ZDHHC14: variants seen among roughly 807,000 people sequenced by gnomAD.
ZDHHC14 encodes the protein palmitoyltransferase ZDHHC14.
Under a neutral mutation model 47.7 loss-of-function variants are expected in ZDHHC14, and 16 were observed. The observed-to-expected ratio is 0.34, with a 90% CI of 0.23 to 0.51. The LOEUF is 0.51. Among genes scored for constraint, ZDHHC14 ranks in the 20% least tolerant of loss-of-function variants. The pLI is 0.97. For missense variants in ZDHHC14, 515 were observed against 662.5 expected, an observed-to-expected ratio of 0.78 and a Z score of 2.44; for synonymous variants, 293 against 278.9, an observed-to-expected ratio of 1.05 and a Z score of -0.50.
intron 1 of ZDHHC14, among the ~76,000 whole-genome samples, chr6:157,439,209 T>G (rs934967451): frequency 3.3e-5 from 5 of 152,186 alleles, no homozygotes; most frequent in African/African-American, 1.2e-4. Flanking sequence ...TTTAAGAAAA[T>G]GGCAACTACA....
intron 1 of ZDHHC14, among the ~76,000 whole-genome samples, chr6:157,410,952 C>T (rs1040386333): frequency 6.6e-6 from 1 of 152,166 alleles, no homozygotes; most frequent in African/African-American, 2.4e-5. Flanking sequence ...GCTTCATCCT[C>T]CTAAAGTGCT....
At chr6:157,456,086 T>C (rs1778906851) in intron 1 of ZDHHC14, among the ~76,000 whole-genome samples, 1 of 152,136 alleles carries the variant, frequency 6.6e-6, no homozygotes, top group Non-Finnish European at 1.5e-5. Flanking sequence ...GATTGCGCCC[T>C]CCGTTATGAA....
chr6:157,445,987 A>C (rs112516843), intron 1 of ZDHHC14, among the ~76,000 whole-genome samples: 1 of 152,180 alleles, frequency 6.6e-6, no homozygotes, highest in African/African-American at 2.4e-5. Flanking sequence ...GTCAGTTGGT[A>C]GTGTGGGGTG....
intron 2 of ZDHHC14, chr6:157,592,729 C>A: frequency 8.1e-7 from 1 of 1,227,250 alleles, no homozygotes; most frequent in South Asian, 3.2e-5. Context: ...ACAGGGAGGG[C>A]CTGGCTGGGT....
intron 1 of ZDHHC14, among the ~76,000 whole-genome samples, chr6:157,455,120 AG>A (rs1237948378): frequency 6.6e-6 from 1 of 152,222 alleles, no homozygotes; most frequent in Non-Finnish European, 1.5e-5. Flanking sequence ...GGCAGCAAAA[AG>A]CTTTTAGGAG....
chr6:157,404,597 A>G (rs1271509057), intron 1 of ZDHHC14, among the ~76,000 whole-genome samples: 3 of 152,166 alleles, frequency 2.0e-5, no homozygotes, highest in Non-Finnish European at 2.9e-5. Flanking sequence ...GTCTCTCTAA[A>G]GTGCCCATTT....
At chr6:157,643,356 C>T (rs1040283876) in intron 5 of ZDHHC14, among the ~76,000 whole-genome samples, 6 of 152,098 alleles carry the variant, frequency 3.9e-5, no homozygotes, top group Admixed American at 3.9e-4. Context: ...GTCTAAAGCA[C>T]ATGAGATATT....
chr6:157,446,736 C>T (rs1353171445), intron 1 of ZDHHC14, among the ~76,000 whole-genome samples: 3 of 152,148 alleles, frequency 2.0e-5, no homozygotes, highest in South Asian at 2.1e-4. Flanking sequence ...AATTCCTTGA[C>T]ATATTGGCTG....
At chr6:157,495,509 C>T (rs111478549) in intron 1 of ZDHHC14, among the ~76,000 whole-genome samples, 21 of 152,084 alleles carry the variant, frequency 1.4e-4, no homozygotes, top group African/African-American at 5.1e-4. Flanking sequence ...TGCACAGCAT[C>T]AGAGACCCCA....
intron 3 of ZDHHC14, among the ~76,000 whole-genome samples, chr6:157,594,486 G>A (rs747571946): frequency 6.6e-6 from 1 of 152,172 alleles, no homozygotes; most frequent in Admixed American, 6.5e-5. Context: ...TCATCTCTGC[G>A]GTGGGGTTGA....
At chr6:157,630,669 A>C (rs891489891) in intron 4 of ZDHHC14, 1 of 146,382 alleles carries the variant, frequency 6.8e-6, no homozygotes, top group African/African-American at 2.6e-5. Context: ...TACTAGCCAT[A>C]CTCACACTCA....
chr6:157,533,243 C>T (rs534962603), intron 1 of ZDHHC14, among the ~76,000 whole-genome samples: 2 of 152,112 alleles, frequency 1.3e-5, no homozygotes, highest in African/African-American at 2.4e-5. Context: ...AGCAGATACA[C>T]GTCCTCATTG....
At chr6:157,511,614 G>C (rs973812459) in intron 1 of ZDHHC14, among the ~76,000 whole-genome samples, 2 of 146,064 alleles carry the variant, frequency 1.4e-5, no homozygotes, top group Non-Finnish European at 3.0e-5. Flanking sequence ...GGCTGGTCTC[G>C]AACTCTCAAC....
intron 2 of ZDHHC14, among the ~76,000 whole-genome samples, chr6:157,550,859 G>A (rs769833668): frequency 3.9e-5 from 6 of 152,166 alleles, no homozygotes; most frequent in South Asian, 2.1e-4. Flanking sequence ...CGATGATGGC[G>A]TACAGCAATG....
chr6:157,387,957 A>G lies in ZDHHC14; in HGVS notation c.245+5691A>G, dbSNP rs141234261. 9.5e-4 allele frequency among the ~76,000 whole-genome samples: 145 copies of G among 152,358 alleles called. 1 individual carries two copies. In the East Asian group the frequency reaches 0.025, roughly 26 times the overall value. On this transcript the variant is annotated intron_variant, in intron 1 of 8. Transcript: ENST00000359775. ...GTCTTGTAGAACACATTTGCCTCAG[A>G]AACTTTGATTATTTGATGTAATTCT...
intron 4 of ZDHHC14, chr6:157,632,617 C>T: frequency 3.4e-6 from 2 of 579,908 alleles, no homozygotes; most frequent in South Asian, 2.2e-5. Flanking sequence ...GAAAAAATAC[C>T]CTGCAGATGT....
chr6:157,392,566 A>C (rs1026835104), intron 1 of ZDHHC14, among the ~76,000 whole-genome samples: 2 of 151,972 alleles, frequency 1.3e-5, no homozygotes, highest in East Asian at 3.9e-4. Flanking sequence ...CTGCTCTTGT[A>C]GACTTTCTAG....
In ZDHHC14 at chr6:157,628,352, G is replaced by A. The variant is rs372069881; in HGVS notation, c.569G>A (p.Arg190Gln). 33 of 1,590,576 alleles carry A rather than the reference G, an allele frequency of 2.1e-5. No individual in the cohort carries two copies. In the African/African-American group the frequency reaches 2.2e-4, roughly 11 times the overall value. The change falls in exon 4 of 9, where the codon CGG becomes CAG. Residue 190 changes from arginine to glutamine, a missense_variant. Around this residue, in one of 4 missense-constraint regions of ZDHHC14, gnomAD observed 229 missense variants for 351.5 expected, o/e 0.65. Transcript: ENST00000359775. ...HCSLCDNCVE[R>Q]FDHHCPWVGN... Reference sequence around the variant, plus strand: ...TTTTTTCTGCCTCTCATTTCAGAACGGTTTGATCACCACTGTCCCTGGGTA... The same window carrying A: ...TTTTTTCTGCCTCTCATTTCAGAACAGTTTGATCACCACTGTCCCTGGGTA...
In ZDHHC14 at chr6:157,608,770, G is replaced by A. The variant is rs143073259; in HGVS notation, c.565+15624G>A. ...CCTTATCAAATGCATGCTTCAAAAA[G>A]TGTCCTCTGTCTCTCCAGCAGAGAA... On this transcript the variant is annotated intron_variant, in intron 3 of 8. Coordinates refer to ENST00000359775, the MANE Select transcript of ZDHHC14 (RefSeq NM_024630.3). Among the ~76,000 whole-genome samples, 406 of 152,296 alleles carry A rather than the reference G, an allele frequency of 2.7e-3. 1 individual carries two copies. The highest frequency in any genetic ancestry group is 8.9e-3 in the African/African-American group (368 of 41,556).
Sources: gnomAD v4.1 joint callset for allele counts (sites outside exome capture counted in the v4.1 genomes callset) on GRCh38, gnomAD v4.1.1 for gene constraint, gnomAD v4.1.1 regional missense constraint, MANE v1.5 for transcripts, NCBI Gene and HGNC (gene_info 2026-07-23, HGNC 2026-07-21) for gene names.